SGMS2: variants seen among roughly 807,000 people sequenced by gnomAD.
SGMS2 encodes the protein phosphatidylcholine:ceramide cholinephosphotransferase 2.
In SGMS2, 21 loss-of-function variants were observed where a neutral mutation model predicts 43.8. The ratio of observed to expected loss-of-function variants is 0.48; its 90% CI spans 0.34 to 0.69. The LOEUF is 0.69. Among genes scored for constraint, SGMS2 ranks in the 30% least tolerant of loss-of-function variants. The pLI is 0.01. For synonymous variants in SGMS2, 167 were observed against 160.6 expected, an observed-to-expected ratio of 1.04 and a Z score of -0.30; for missense variants, 384 against 443.2, an observed-to-expected ratio of 0.87 and a Z score of 1.20.
intron 2 of SGMS2, among the ~76,000 whole-genome samples, chr4:107,872,277 C>G (rs143955691): frequency 5.3e-4 from 80 of 152,112 alleles, no homozygotes; most frequent in African/African-American, 1.7e-3. Context: ...TCTCATAACA[C>G]TCAAATTGAG....
intron 2 of SGMS2, among the ~76,000 whole-genome samples, chr4:107,894,696 G>C (rs1309728705): frequency 6.6e-6 from 1 of 152,164 alleles, no homozygotes. Context: ...AGCTTTTCTT[G>C]TATATGGTGT....
chr4:107,861,726 AAAAT>A (rs2126033265), intron 2 of SGMS2, among the ~76,000 whole-genome samples: 1 of 152,346 alleles, frequency 6.6e-6, no homozygotes, highest in South Asian at 2.1e-4. Context: ...GTTTAAGTTG[AAAAT>A]CTTTGCTAAG....
In SGMS2 at chr4:107,841,916, G is replaced by T. The variant is rs113645505; in HGVS notation, c.-326-16556G>T. ...TCCTCCTGCCTTGGCCTCTCAAAATGCTGGAACTTACAGGCATGAATCACT... is the reference window on the plus strand; with the variant it reads ...TCCTCCTGCCTTGGCCTCTCAAAATTCTGGAACTTACAGGCATGAATCACT... On this transcript the variant is annotated intron_variant, in intron 1 of 6. Coordinates refer to ENST00000690982, the MANE Select transcript of SGMS2 (RefSeq NM_001375905.1). 3.5e-3 allele frequency among the ~76,000 whole-genome samples: 530 copies of T among 152,168 alleles called. 2 individuals carry two copies. The highest frequency in any genetic ancestry group is 0.012 in the African/African-American group (501 of 41,508).
At chr4:107,870,026 A>T (rs1232565046) in intron 2 of SGMS2, among the ~76,000 whole-genome samples, 1 of 152,198 alleles carries the variant, frequency 6.6e-6, no homozygotes, top group African/African-American at 2.4e-5. Context: ...AGGAATGTCC[A>T]TGATTTTATA....
chr4:107,832,210 C>A (rs547099465), intron 1 of SGMS2, among the ~76,000 whole-genome samples: 1 of 152,210 alleles, frequency 6.6e-6, no homozygotes, highest in East Asian at 1.9e-4. Flanking sequence ...GTGTAATATA[C>A]CAGTTCTTCT....
chr4:107,839,110 C>T (rs375596248), intron 1 of SGMS2, among the ~76,000 whole-genome samples: 7 of 152,128 alleles, frequency 4.6e-5, no homozygotes, highest in African/African-American at 1.7e-4. Flanking sequence ...GTGGAAATCC[C>T]CTTCTTACCT....
At chr4:107,882,423 T>G (rs1037550295) in intron 2 of SGMS2, among the ~76,000 whole-genome samples, 2 of 152,222 alleles carry the variant, frequency 1.3e-5, no homozygotes, top group Non-Finnish European at 2.9e-5. Flanking sequence ...AAATGTCTAT[T>G]TGGAACTTTT....
intron 1 of SGMS2, among the ~76,000 whole-genome samples, chr4:107,834,129 A>G (rs1020915567): frequency 6.6e-6 from 1 of 152,246 alleles, no homozygotes; most frequent in African/African-American, 2.4e-5. Context: ...CAGCAGTAGA[A>G]ACAAATACAG....
Position 107,913,680 on chromosome 4 carries a change from T to G in SGMS2, c.*3127T>G, listed in dbSNP as rs1278399121. ...GTGCTCAGATTATAGGCACTTGTAA[T>G]TCTAACCTTGTATCCATTTGATCAA... On this transcript the variant is annotated 3_prime_UTR_variant, in exon 7 of 7. Transcript: ENST00000690982. The G allele has an allele frequency of 6.6e-6, 1 of 152,234 alleles. No homozygotes were observed. Among genetic ancestry groups the G allele is most frequent in the Non-Finnish European group, 1.5e-5 (1 of 68,038 alleles). 9.4% of individuals were successfully genotyped at this position (152,234 alleles called of 1,614,324 possible).
intron 2 of SGMS2, among the ~76,000 whole-genome samples, chr4:107,870,476 C>T (rs1728483415): frequency 6.6e-6 from 1 of 152,136 alleles, no homozygotes; most frequent in South Asian, 2.1e-4. Context: ...TGTTTTGGTA[C>T]ATGAGTTGTA....
intron 2 of SGMS2, among the ~76,000 whole-genome samples, chr4:107,878,528 T>C (rs1285852284): frequency 1.3e-5 from 2 of 152,204 alleles, no homozygotes; most frequent in African/African-American, 4.8e-5. Context: ...AGGGTTTGGG[T>C]AGCCCTATCT....
In SGMS2 at chr4:107,911,819, C is replaced by A. The variant is rs1428648036; in HGVS notation, c.*1266C>A. On this transcript the variant is annotated 3_prime_UTR_variant, in exon 7 of 7. Transcript: ENST00000690982. ...GATGCCAAAAAATGGATTAAAAAAT[C>A]TGATCAGATTTAATGTTACCAGATT... The A allele has an allele frequency of 2.6e-5, 4 of 152,182 alleles. No individual in the cohort carries two copies. The highest frequency in any genetic ancestry group is 7.2e-5 in the African/African-American group (3 of 41,444). 9.4% of individuals were successfully genotyped at this position (152,182 alleles called of 1,614,324 possible).
Position 107,910,603 on chromosome 4 carries a change from A to G in SGMS2, c.*50A>G. The G allele has an allele frequency of 2.6e-6, 4 of 1,552,804 alleles. No homozygotes were observed. Among genetic ancestry groups the G allele is most frequent in the Non-Finnish European group, 3.5e-6 (4 of 1,140,998 alleles). On this transcript the variant is annotated 3_prime_UTR_variant, in exon 7 of 7. Transcript: ENST00000690982. ...TTACACCAAAAGAGTTAACGCTGTA[A>G]CCAAAGGTATAGTTTTGTTTTTTAT...
At chr4:107,841,338 A>T (rs896755521) in intron 1 of SGMS2, among the ~76,000 whole-genome samples, 1 of 152,106 alleles carries the variant, frequency 6.6e-6, no homozygotes, top group Non-Finnish European at 1.5e-5. Context: ...TTTCATTATT[A>T]ACCCCTGAAG....
chr4:107,824,674 C>T (rs1264970762), upstream of SGMS2: 3 of 152,210 alleles, frequency 2.0e-5, no homozygotes, highest in Non-Finnish European at 4.4e-5. Flanking sequence ...CTTAAACAGC[C>T]GCGAGGGGAG....
chr4:107,836,926 A>T (rs1178264172), intron 1 of SGMS2, among the ~76,000 whole-genome samples: 1 of 152,200 alleles, frequency 6.6e-6, no homozygotes, highest in East Asian at 1.9e-4. Context: ...TGCAGATGAA[A>T]GATTTCATAG....
At chr4:107,892,641 G>A (rs547968193) in intron 2 of SGMS2, among the ~76,000 whole-genome samples, 8 of 152,292 alleles carry the variant, frequency 5.3e-5, no homozygotes, top group African/African-American at 1.9e-4. Flanking sequence ...ACATATGTAA[G>A]ATGAACATTG....
chr4:107,875,259 T>A (rs1728824144), intron 2 of SGMS2, among the ~76,000 whole-genome samples: 1 of 152,164 alleles, frequency 6.6e-6, no homozygotes, highest in Admixed American at 6.5e-5. Flanking sequence ...ATAACCTAAG[T>A]GGCCATTGAT....
intron 2 of SGMS2, among the ~76,000 whole-genome samples, chr4:107,878,188 A>G (rs1729077008): frequency 1.3e-5 from 2 of 152,166 alleles, no homozygotes; most frequent in South Asian, 4.1e-4. Context: ...TGCTGGGATT[A>G]CAGGCATGAG....
Sources: allele counts gnomAD v4.1 joint callset (sites outside exome capture counted in the v4.1 genomes callset), GRCh38; gene constraint gnomAD v4.1.1; transcripts MANE v1.5; gene names NCBI Gene and HGNC (gene_info 2026-07-23, HGNC 2026-07-21).